WDR62: variants seen among roughly 807,000 people sequenced by gnomAD.
WDR62 encodes WD repeat domain 62, also known as WD repeat-containing protein 62.
In WDR62, 112 loss-of-function variants were observed where a neutral mutation model predicts 160.6. That is an observed-to-expected ratio of 0.70 (90% CI 0.60 to 0.82). The LOEUF (loss-of-function observed/expected upper bound fraction) is 0.82, where lower values mean the gene tolerates loss of function less well. Among genes scored for constraint, WDR62 ranks in the 40% least tolerant of loss-of-function variants. The probability of loss-of-function intolerance (pLI) is 0.00; values close to 1 mark genes in which losing one functional copy is unlikely to be tolerated. For missense variants in WDR62, 1,819 were observed against 1,983.8 expected (o/e 0.92, Z 1.58); for synonymous variants, 792 against 815.1 (o/e 0.97, Z 0.48).
the WDR62 span, chr19:36,111,063 G>A: frequency 1.7e-5 from 14 of 809,150 alleles, no homozygotes; most frequent in Admixed American, 2.9e-5. Context: ...CCACTCCCAG[G>A]GCCAGCCAGG....
chr19:36,100,581 G>A (rs577288816), intron 22 of WDR62, among the ~76,000 whole-genome samples, 167 bp from the exon 23 acceptor site: 13 of 152,366 alleles, frequency 8.5e-5, no homozygotes, highest in African/African-American at 2.4e-4. Context: ...TCTGTAAAGG[G>A]ACTGATAATG....
chr19:36,103,052 A>G lies in WDR62; in HGVS notation c.3440A>G (p.Tyr1147Cys), dbSNP rs146867414. 281 of 1,614,112 alleles carry G rather than the reference A, an allele frequency of 1.7e-4. No individual in the cohort carries two copies. In the African/African-American group the frequency reaches 3.6e-3, roughly 21 times the overall value. The change falls in exon 28 of 32, where the codon TAC becomes TGC. Residue 1147 changes from tyrosine (Y) to cysteine (C), a missense_variant. Transcript: ENST00000401500. ...GGSQPRAGTGYASPDRTHVLA... is the reference protein window; with the variant it reads ...GGSQPRAGTGCASPDRTHVLA... ...AGCCAGCCCAGAGCAGGTACTGGCTACGCCTCCCCAGACAGGACCCACGTG... is the reference window on the plus strand; with the variant it reads ...AGCCAGCCCAGAGCAGGTACTGGCTGCGCCTCCCCAGACAGGACCCACGTG...
Position 36,103,888 on chromosome 19 carries a change from C to T in WDR62, c.4060C>T (p.Pro1354Ser). The T allele has an allele frequency of 6.2e-7, 1 of 1,600,156 alleles. No homozygotes were observed. Among genetic ancestry groups the T allele is most frequent in the Non-Finnish European group, 8.5e-7 (1 of 1,179,910 alleles). The change falls in exon 30 of 32, where the codon CCT becomes TCT. Residue 1354 changes from proline (P) to serine (S), a missense_variant. Coordinates refer to ENST00000401500, the MANE Select transcript of WDR62 (RefSeq NM_001083961.2). ...FRPSLPAPES[P>S]GLPAHPSNPQ... ...CCCAAGTCTCCCAGCTCCTGAGTCC[C>T]CTGGCCTTCCTGCCCACCCCAGTAA... is the stretch of plus-strand genomic sequence containing the variant.
In WDR62 at chr19:36,071,732, G is replaced by A. The variant is rs1489089351; in HGVS notation, c.1043+16G>A. On this transcript the variant is annotated intron_variant, in intron 8 of 31. Coordinates refer to ENST00000401500, the MANE Select transcript of WDR62 (RefSeq NM_001083961.2). ...TGGAGCCCAGGTACTGCCCTGTGGG[G>A]AGAGGGAATGGGAGGGGCCCACCCA... 1 of 1,606,112 alleles carries A rather than the reference G, an allele frequency of 6.2e-7. No individual in the cohort carries two copies. Among genetic ancestry groups the A allele is most frequent in the South Asian group, 1.1e-5 (1 of 90,934 alleles).
At position 36,055,100 on chromosome 19, in the gene WDR62, G is replaced by A. The variant is rs1970281522; in HGVS notation, c.129G>A (p.Arg43=). ...CCCCCGCCCCACCAATCTGCCTACG[G>A]CGGCGGACGCGACTCTCGACGGCCT... ...SPPPAPPICL[R]RRTRLSTASE... The change falls in exon 1 of 32, where the codon CGG becomes CGA. Residue 43 remains arginine (R), a synonymous_variant. Coordinates refer to ENST00000401500, the MANE Select transcript of WDR62 (RefSeq NM_001083961.2). 6.2e-7 allele frequency: 1 copy of A among 1,605,904 alleles called. No homozygotes were observed. Among genetic ancestry groups the A allele is most frequent in the Admixed American group, 1.7e-5 (1 of 59,490 alleles).
chr19:36,091,097 G>A, intron 16 of WDR62, 103 bp from the exon 17 acceptor site: 2 of 973,706 alleles, frequency 2.1e-6, no homozygotes, highest in Admixed American at 2.0e-5. Flanking sequence ...CCCTGCCAGA[G>A]TCCCATGTGC....
At chr19:36,094,227 A>T in intron 20 of WDR62, 63 bp downstream of exon 20, 2 of 1,606,504 alleles carry the variant, frequency 1.2e-6, no homozygotes, top group Admixed American at 1.7e-5. Context: ...GGTTTTGCCC[A>T]TGACCTTGTT....
chr19:36,088,775 TC>T (rs1972408809), intron 13 of WDR62, among the ~76,000 whole-genome samples: 1 of 152,166 alleles, frequency 6.6e-6, no homozygotes, highest in Non-Finnish European at 1.5e-5. Context: ...GGAGAGGGTG[TC>T]CCTTCTTTGT....
chr19:36,103,001 A>C lies in WDR62; in HGVS notation c.3389A>C (p.Glu1130Ala). Residue 1130 changes from glutamate to alanine, a missense_variant, in exon 28 of 32, where the codon GAG (glutamate) becomes GCG (alanine). This residue lies in a region of WDR62 where 770 missense variants were observed against 734.2 expected (regional missense o/e 1.05). Coordinates refer to ENST00000401500, the MANE Select transcript of WDR62 (RefSeq NM_001083961.2). ...ACCCAGTGCCTTGTGAAGTCTCCAG[A>C]GGTCAAGCTCATGGACCGAGGCGGA... is the stretch of plus-strand genomic sequence containing the variant. ...RATQCLVKSP[E>A]VKLMDRGGSQ... 6.2e-7 allele frequency: 1 copy of C among 1,614,106 alleles called. No homozygotes were observed. Among genetic ancestry groups the C allele is most frequent in the Non-Finnish European group, 8.5e-7 (1 of 1,180,004 alleles).
Position 36,103,876 on chromosome 19 carries a change from G to A in WDR62, c.4048G>A (p.Ala1350Thr). The change falls in exon 30 of 32, where the codon GCT becomes ACT. Residue 1350 changes from alanine to threonine, a missense_variant. Ala to Thr is a moderately conservative substitution (Grantham distance 58). Around this residue, in one of 3 missense-constraint regions of WDR62, gnomAD observed 770 missense variants for 734.2 expected, o/e 1.05. Transcript: ENST00000401500. ...CTCTGCCTTTCGCCCAAGTCTCCCA[G>A]CTCCTGAGTCCCCTGGCCTTCCTGC... ...HGSAFRPSLP[A>T]PESPGLPAHP... 1 of 1,601,366 alleles carries A rather than the reference G, an allele frequency of 6.2e-7. No individual in the cohort carries two copies. The highest frequency in any genetic ancestry group is 8.5e-7 in the Non-Finnish European group (1 of 1,179,906).
intron 1 of WDR62, among the ~76,000 whole-genome samples, chr19:36,056,799 C>T (rs1970396554): frequency 6.6e-6 from 1 of 151,326 alleles, no homozygotes; most frequent in Non-Finnish European, 1.5e-5. Flanking sequence ...TTATGAACTT[C>T]GCTTTTTCTT....
intron 1 of WDR62, among the ~76,000 whole-genome samples, chr19:36,055,568 C>T (rs1449629975): frequency 6.6e-6 from 1 of 152,214 alleles, no homozygotes; most frequent in Non-Finnish European, 1.5e-5. Context: ...CCAACTCTTC[C>T]TCGCTTCTAC....
rs1972812331 is a variant in WDR62, at chr19:36,094,180, C to A, written c.2467+16C>A. The A allele has an allele frequency of 6.2e-7, 1 of 1,612,996 alleles. No individual in the cohort carries two copies. The highest frequency in any genetic ancestry group is 1.1e-5 in the South Asian group (1 of 91,056). On this transcript the variant is annotated intron_variant, in intron 20 of 31. Transcript: ENST00000401500. ...TTGGATCCAGGTTGGAAAAGGGGCC[C>A]TATTTTGAACTATGTCAGTGTAGGG...
intron 24 of WDR62, 83 bp downstream of exon 24, chr19:36,101,400 C>A (rs2145860035): frequency 2.4e-6 from 3 of 1,233,178 alleles, no homozygotes; most frequent in East Asian, 2.5e-5. Flanking sequence ...TGACTTTGAC[C>A]CAGTACTGAA....
chr19:36,070,042 A>AGAGGGAGACCGTGGGGAGAG, intron 7 of WDR62, among the ~76,000 whole-genome samples: 1 of 127,792 alleles, frequency 7.8e-6, no homozygotes, highest in Non-Finnish European at 1.7e-5. Flanking sequence ...CGTGGGGAGA[A>AGAGGGAGACCGTGGGGAGAG]GGAGAGGGAG....
chr19:36,078,968 A>G (rs1971741807), intron 9 of WDR62, among the ~76,000 whole-genome samples: 1 of 125,676 alleles, frequency 8.0e-6, no homozygotes, highest in African/African-American at 3.1e-5. Context: ...CCTGTTGTTC[A>G]TTTTTATGTG....
chr19:36,086,578 A>T (rs1972243459), intron 12 of WDR62, 109 bp from the exon 13 acceptor site: 1 of 1,410,628 alleles, frequency 7.1e-7, no homozygotes, highest in Non-Finnish European at 9.7e-7. Context: ...CAGTTGAAGA[A>T]CCAAAGACCC....
chr19:36,081,805 T>C, intron 10 of WDR62: 3 of 659,892 alleles, frequency 4.5e-6, no homozygotes, highest in South Asian at 4.5e-5. Context: ...TGGCTCCTGC[T>C]CTGCAGATGT....
chr19:36,056,535 G>A (rs142830248), intron 1 of WDR62, among the ~76,000 whole-genome samples: 3 of 152,110 alleles, frequency 2.0e-5, no homozygotes, highest in African/African-American at 4.8e-5. Flanking sequence ...CCTGAATGTC[G>A]CTATCTTGAA....
Sources: allele counts gnomAD v4.1 joint callset (sites outside exome capture counted in the v4.1 genomes callset), GRCh38; gene constraint gnomAD v4.1.1; regional missense constraint gnomAD v4.1.1; transcripts MANE v1.5; gene names NCBI Gene and HGNC (gene_info 2026-07-23, HGNC 2026-07-21).